RNF121: variants seen among roughly 807,000 people sequenced by gnomAD.
The protein encoded by RNF121 is E3 ubiquitin ligase RNF121.
Under a neutral mutation model 46.5 loss-of-function variants are expected in RNF121, and 21 were observed. The ratio of observed to expected loss-of-function variants is 0.45; its 90% CI spans 0.32 to 0.65. The LOEUF (loss-of-function observed/expected upper bound fraction) is 0.65. Among genes scored for constraint, RNF121 ranks in the 30% least tolerant of loss-of-function variants. The probability of loss-of-function intolerance (pLI) is 0.04; values close to 1 mark genes in which losing one functional copy is unlikely to be tolerated. For synonymous variants in RNF121, 139 were observed against 144.7 expected (o/e 0.96, Z 0.28); for missense variants, 346 against 416.0 (o/e 0.83, Z 1.46).
intron 1 of RNF121, among the ~76,000 whole-genome samples, chr11:71,947,050 G>A (rs532670534): frequency 1.0e-3 from 159 of 152,036 alleles, no homozygotes; most frequent in Middle Eastern, 6.8e-3. Context: ...ATTTTAAGTA[G>A]AGACGGGGTT....
intron 1 of RNF121, among the ~76,000 whole-genome samples, chr11:71,932,024 T>C (rs1953287373): frequency 1.3e-5 from 2 of 152,370 alleles, no homozygotes; most frequent in South Asian, 4.1e-4. Flanking sequence ...ATTAGCATGA[T>C]ACGTAGTCTG....
At chr11:71,938,709 G>A (rs1281224530) in intron 1 of RNF121, 1 of 152,282 alleles carries the variant, frequency 6.6e-6, no homozygotes, top group African/African-American at 2.4e-5. Context: ...TTTCTTCTGG[G>A]ATCTTTTTCT....
chr11:71,995,151 T>C, intron 7 of RNF121: 1 of 563,736 alleles, frequency 1.8e-6, no homozygotes, highest in East Asian at 2.9e-5. Flanking sequence ...GATCCCTCAG[T>C]TTAGCATCAT....
chr11:71,962,521 A>T (rs1466234815), intron 3 of RNF121, among the ~76,000 whole-genome samples: 1 of 152,184 alleles, frequency 6.6e-6, no homozygotes. Context: ...TTCATTAGTT[A>T]ATTCTTAACA....
At chr11:71,936,502 G>A (rs1565138015) in intron 1 of RNF121, among the ~76,000 whole-genome samples, 2 of 151,940 alleles carry the variant, frequency 1.3e-5, no homozygotes, top group East Asian at 1.9e-4. Context: ...CCATTCTCCT[G>A]CCTCAGCCTC....
chr11:71,971,737 TA>T (rs1460741567), intron 3 of RNF121, among the ~76,000 whole-genome samples: 1 of 152,242 alleles, frequency 6.6e-6, no homozygotes, highest in Non-Finnish European at 1.5e-5. Flanking sequence ...GATATCACTT[TA>T]CATCTATTAG....
intron 6 of RNF121, 43 bp from the exon 7 acceptor site, chr11:71,994,676 C>G (rs1954936195): frequency 1.2e-6 from 2 of 1,611,900 alleles, no homozygotes; most frequent in African/African-American, 1.3e-5. Flanking sequence ...TTGGCTGCTT[C>G]TCACATCTTT....
chr11:71,943,784 A>G (rs949328536), intron 1 of RNF121, among the ~76,000 whole-genome samples: 2 of 152,220 alleles, frequency 1.3e-5, no homozygotes, highest in African/African-American at 4.8e-5. Flanking sequence ...TTAACCAGCT[A>G]AAGAAAGAAT....
At chr11:71,971,910 G>A (rs757826941) in intron 3 of RNF121, among the ~76,000 whole-genome samples, 6 of 152,168 alleles carry the variant, frequency 3.9e-5, no homozygotes, top group Non-Finnish European at 7.3e-5. Flanking sequence ...CACATCCTAA[G>A]GGGATATGTA....
chr11:71,952,715 G>A (rs1953910815), intron 1 of RNF121, among the ~76,000 whole-genome samples: 1 of 152,044 alleles, frequency 6.6e-6, no homozygotes. Flanking sequence ...AGGCTGAGGC[G>A]AGGGAATCAC....
intron 3 of RNF121, among the ~76,000 whole-genome samples, chr11:71,980,639 G>A (rs764127526): frequency 3.9e-5 from 6 of 152,192 alleles, no homozygotes; most frequent in South Asian, 2.1e-4. Flanking sequence ...GAGTCACCAC[G>A]CCTGGCCATC....
chr11:71,974,010 C>T (rs1276567742), intron 3 of RNF121, among the ~76,000 whole-genome samples: 2 of 152,144 alleles, frequency 1.3e-5, no homozygotes, highest in Admixed American at 1.3e-4. Context: ...GGCGCTATCT[C>T]GGCTCACTGC....
intron 3 of RNF121, among the ~76,000 whole-genome samples, chr11:71,962,778 G>C (rs1166407875): frequency 6.6e-6 from 1 of 152,182 alleles, no homozygotes; most frequent in Non-Finnish European, 1.5e-5. Flanking sequence ...CTGAGAAATT[G>C]TTTTCCACAG....
In RNF121 at chr11:71,996,429, A is replaced by G; in HGVS notation, c.*114A>G. On this transcript the variant is annotated 3_prime_UTR_variant, in exon 9 of 9. Transcript: ENST00000361756. ...AAAGACTCAAAGGGGTGCTTGGGCC[A>G]CTCAGGACCCCTCTGGCTGTGTCGG... 1 of 1,301,500 alleles carries G rather than the reference A, an allele frequency of 7.7e-7. No homozygotes were observed. The highest frequency in any genetic ancestry group is 1.5e-5 in the South Asian group (1 of 68,438). The allele number at this position is 1,301,500 out of a possible 1,614,324, so 80.6% of individuals were successfully genotyped here.
chr11:71,944,644 C>T (rs1953670925), intron 1 of RNF121, among the ~76,000 whole-genome samples: 1 of 152,144 alleles, frequency 6.6e-6, no homozygotes, highest in East Asian at 1.9e-4. Flanking sequence ...CTGTGGAGGG[C>T]ATTGTGTAGT....
intron 4 of RNF121, among the ~76,000 whole-genome samples, chr11:71,986,349 T>C (rs2134211371): frequency 6.6e-6 from 1 of 152,352 alleles, no homozygotes. Flanking sequence ...CTTCTGAGCA[T>C]AGTTGTGTTT....
At chr11:71,953,878 A>G (rs1334333635) in intron 1 of RNF121, among the ~76,000 whole-genome samples, 2 of 152,214 alleles carry the variant, frequency 1.3e-5, no homozygotes, top group Non-Finnish European at 2.9e-5. Flanking sequence ...ACCTAAAAAA[A>G]ATGTAGCAGT....
At chr11:71,981,117 C>T (rs1208978204) in intron 3 of RNF121, among the ~76,000 whole-genome samples, 4 of 150,774 alleles carry the variant, frequency 2.7e-5, no homozygotes, top group Non-Finnish European at 4.4e-5. Context: ...GGTGTGATCT[C>T]GGCTCCCTGC....
At chr11:71,938,657 A>G (rs895260026) in intron 1 of RNF121, 2 of 152,052 alleles carry the variant, frequency 1.3e-5, no homozygotes, top group Non-Finnish European at 2.9e-5. Flanking sequence ...AATTTATTTT[A>G]TCCTAAATTT....
Sources: allele counts gnomAD v4.1 joint callset (sites outside exome capture counted in the v4.1 genomes callset), GRCh38; gene constraint gnomAD v4.1.1; transcripts MANE v1.5; gene names NCBI Gene and HGNC (gene_info 2026-07-23, HGNC 2026-07-21).